Variants in FSTL5 observed in about 807,000 individuals in gnomAD.
FSTL5 encodes follistatin like 5, also known as follistatin-related protein 5.
A neutral mutation model predicts 89.1 loss-of-function variants in FSTL5; 62 were observed. That is an observed-to-expected ratio of 0.70 (90% confidence interval 0.57 to 0.86). The LOEUF is 0.86. Ranked by LOEUF, FSTL5 falls within the 40% of genes least tolerant of loss-of-function variation. The pLI, the probability that FSTL5 is intolerant of heterozygous loss-of-function variation, is 0.00. For missense variants in FSTL5, 1,057 were observed against 1,001.6 expected, an observed-to-expected ratio of 1.06 and a Z score of -0.75; for synonymous variants, 383 against 346.2, an observed-to-expected ratio of 1.11 and a Z score of -1.18.
intron 3 of FSTL5, among the ~76,000 whole-genome samples, chr4:162,016,489 G>T (rs1736919800): frequency 6.6e-6 from 1 of 152,126 alleles, no homozygotes; most frequent in Admixed American, 6.5e-5. Flanking sequence ...ATTCCCTAGG[G>T]CTCATTCTGA....
intron 4 of FSTL5, among the ~76,000 whole-genome samples, chr4:161,877,280 G>T (rs1732475566): frequency 1.3e-5 from 2 of 149,856 alleles, no homozygotes; most frequent in African/African-American, 2.4e-5. Flanking sequence ...AGTAGAATAT[G>T]GTATACTTAT....
chr4:161,567,785 C>T (rs1470778306), intron 8 of FSTL5, among the ~76,000 whole-genome samples: 1 of 88,016 alleles, frequency 1.1e-5, no homozygotes, highest in African/African-American at 4.5e-5. Context: ...GAGATTTGCT[C>T]CTATAAACAA....
At chr4:161,773,548 A>T (rs1741285414) in intron 5 of FSTL5, among the ~76,000 whole-genome samples, 1 of 152,210 alleles carries the variant, frequency 6.6e-6, no homozygotes, top group African/African-American at 2.4e-5. Context: ...ATTAATAGAC[A>T]ATTCTCAAAA....
intron 8 of FSTL5, among the ~76,000 whole-genome samples, chr4:161,578,963 C>A (rs914822343): frequency 2.0e-5 from 3 of 152,034 alleles, no homozygotes; most frequent in African/African-American, 7.2e-5. Context: ...CAGACCTGAA[C>A]TTCAAATTAT....
At chr4:161,591,634 TGAA>T (rs1425912809) in intron 7 of FSTL5, among the ~76,000 whole-genome samples, 1 of 152,202 alleles carries the variant, frequency 6.6e-6, no homozygotes, top group Non-Finnish European at 1.5e-5. Context: ...CATATTTTTA[TGAA>T]GAAGAAACAC....
At chr4:161,754,153 G>A (rs555684798) in intron 6 of FSTL5, among the ~76,000 whole-genome samples, 6 of 147,368 alleles carry the variant, frequency 4.1e-5, no homozygotes, top group African/African-American at 7.5e-5. Context: ...TAGAATTTTA[G>A]AATCATAGTT....
chr4:161,942,839 G>A (rs907979091), intron 3 of FSTL5, among the ~76,000 whole-genome samples: 1 of 152,128 alleles, frequency 6.6e-6, no homozygotes, highest in African/African-American at 2.4e-5. Context: ...GCAATTGGGA[G>A]AGGGAAGGCA....
chr4:162,063,974 A>G (rs1738804355), intron 2 of FSTL5, among the ~76,000 whole-genome samples: 1 of 152,040 alleles, frequency 6.6e-6, no homozygotes, highest in South Asian at 2.1e-4. Flanking sequence ...TAAAAAATAG[A>G]CAAACATGTG....
intron 8 of FSTL5, among the ~76,000 whole-genome samples, chr4:161,555,811 G>A (rs927018155): frequency 2.6e-5 from 4 of 151,614 alleles, no homozygotes; most frequent in Non-Finnish European, 4.4e-5. Flanking sequence ...TTGAAAATAT[G>A]AGGGGTTTTT....
At chr4:161,627,897 T>C (rs896523620) in intron 7 of FSTL5, among the ~76,000 whole-genome samples, 1 of 152,150 alleles carries the variant, frequency 6.6e-6, no homozygotes, top group Non-Finnish European at 1.5e-5. Context: ...GACACAGACT[T>C]TGGAATAATT....
intron 6 of FSTL5, among the ~76,000 whole-genome samples, chr4:161,751,655 C>G (rs568512570): frequency 2.1e-4 from 32 of 152,076 alleles, no homozygotes; most frequent in Admixed American, 2.0e-3. Flanking sequence ...GTGGCACACT[C>G]TTGTAGCCTT....
intron 7 of FSTL5, among the ~76,000 whole-genome samples, chr4:161,624,921 G>A (rs532777722): frequency 6.6e-6 from 1 of 152,222 alleles, no homozygotes; most frequent in South Asian, 2.1e-4. Flanking sequence ...CAGCAGAGAA[G>A]CCGGTGCTAC....
At chr4:162,015,835 G>A (rs1021565024) in intron 3 of FSTL5, among the ~76,000 whole-genome samples, 4 of 152,044 alleles carry the variant, frequency 2.6e-5, no homozygotes, top group Non-Finnish European at 5.9e-5. Context: ...AAAGTCTCTG[G>A]TTTAAAGGAA....
intron 7 of FSTL5, among the ~76,000 whole-genome samples, chr4:161,655,279 C>T (rs955569267): frequency 6.6e-6 from 1 of 151,794 alleles, no homozygotes; most frequent in Admixed American, 6.6e-5. Context: ...AGTACAAAGG[C>T]TTCTGAGAGC....
At chr4:161,689,515 G>A (rs781171611) in intron 6 of FSTL5, among the ~76,000 whole-genome samples, 14 of 152,042 alleles carry the variant, frequency 9.2e-5, no homozygotes, top group Non-Finnish European at 1.8e-4. Flanking sequence ...TCATTAAAAT[G>A]CATTTTAAAT....
At chr4:161,555,252 G>A (rs755801998) in intron 8 of FSTL5, among the ~76,000 whole-genome samples, 1 of 151,354 alleles carries the variant, frequency 6.6e-6, no homozygotes, top group African/African-American at 2.4e-5. Context: ...CTTAGATGTA[G>A]TCTACTAATA....
intron 1 of FSTL5, among the ~76,000 whole-genome samples, chr4:162,153,606 T>TATATATGTATATTATATATGTATATAATA (rs1561048680): frequency 5.0e-5 from 5 of 99,972 alleles, no homozygotes; most frequent in East Asian, 5.0e-4. Flanking sequence ...TGTGTGTGTA[T>TATATATGTATATTATATATGTATATAATA]ATATATGTAT....
intron 1 of FSTL5, among the ~76,000 whole-genome samples, chr4:162,128,968 C>A (rs558242124): frequency 1.4e-5 from 2 of 146,272 alleles, no homozygotes; most frequent in South Asian, 4.3e-4. Flanking sequence ...GTTGCCCAGG[C>A]TGGAGCGCAG....
At chr4:161,476,854 C>G (rs1158955444) in intron 13 of FSTL5, among the ~76,000 whole-genome samples, 13 of 152,154 alleles carry the variant, frequency 8.5e-5, no homozygotes, top group Admixed American at 8.5e-4. Context: ...TCAGAAGTGT[C>G]AATCAACAAT....
Sources: gnomAD v4.1 joint callset for allele counts (sites outside exome capture counted in the v4.1 genomes callset) on GRCh38, gnomAD v4.1.1 for gene constraint, MANE v1.5 for transcripts, NCBI Gene and HGNC (gene_info 2026-07-23, HGNC 2026-07-21) for gene names.